Variants in SH3PXD2B observed in about 807,000 individuals in gnomAD.
The protein encoded by SH3PXD2B is SH3 and PX domain-containing protein 2B.
Under a neutral mutation model 73.1 loss-of-function variants are expected in SH3PXD2B, and 37 were observed. The ratio of observed to expected loss-of-function variants is 0.51; its 90% CI spans 0.39 to 0.67. The LOEUF (loss-of-function observed/expected upper bound fraction) is 0.67, where lower values mean the gene tolerates loss of function less well. SH3PXD2B is among the 30% of genes least tolerant of loss of function. SH3PXD2B has a pLI of 0.00. For missense variants in SH3PXD2B, 1,053 were observed against 1,197.8 expected (o/e 0.88, Z 1.78); for synonymous variants, 457 against 480.5 (o/e 0.95, Z 0.64).
At chr5:172,381,904 GA>G in intron 5 of SH3PXD2B, 131 bp downstream of exon 5, 1 of 655,098 alleles carries the variant, frequency 1.5e-6, no homozygotes. Context: ...AAGGCTAAGT[GA>G]AGTGCGGTCT....
chr5:172,342,123 C>T (rs79729353), intron 12 of SH3PXD2B, among the ~76,000 whole-genome samples: 2,386 of 152,262 alleles, frequency 0.016, 55 homozygotes, highest in African/African-American at 0.055. Flanking sequence ...AGAGAGGACA[C>T]AGGAGAAACC....
chr5:172,332,881 G>C (rs1238877177), downstream of SH3PXD2B, among the ~76,000 whole-genome samples: 1 of 151,638 alleles, frequency 6.6e-6, no homozygotes, highest in Non-Finnish European at 1.5e-5. Context: ...GGCTTGGGCA[G>C]TCTCTGCGGC....
intron 1 of SH3PXD2B, among the ~76,000 whole-genome samples, chr5:172,453,097 A>T (rs1320923888): frequency 6.6e-6 from 1 of 151,964 alleles, no homozygotes; most frequent in African/African-American, 2.4e-5. Context: ...AGGCATGCAG[A>T]TCTACTTTGT....
chr5:172,342,677 C>T (rs1280043048), intron 12 of SH3PXD2B, among the ~76,000 whole-genome samples: 1 of 152,116 alleles, frequency 6.6e-6, no homozygotes, highest in Non-Finnish European at 1.5e-5. Flanking sequence ...AGGAGAAACG[C>T]TTGAACCTGG....
At chr5:172,422,616 C>A in intron 1 of SH3PXD2B, 120 bp from the exon 2 acceptor site, 1 of 888,012 alleles carries the variant, frequency 1.1e-6, no homozygotes, top group South Asian at 1.4e-5. Context: ...TTAGCTCTGC[C>A]AATGACTGGC....
intron 9 of SH3PXD2B, among the ~76,000 whole-genome samples, chr5:172,350,907 CT>C (rs1183307740): frequency 6.6e-6 from 1 of 152,344 alleles, no homozygotes; most frequent in East Asian, 1.9e-4. Flanking sequence ...AGCCCCAGCT[CT>C]GGGGCCAAAG....
At chr5:172,380,890 A>G (rs1241391756) in intron 5 of SH3PXD2B, among the ~76,000 whole-genome samples, 2 of 152,132 alleles carry the variant, frequency 1.3e-5, no homozygotes, top group African/African-American at 4.8e-5. Flanking sequence ...ACTTAGGTCT[A>G]CTCATCTGTG....
chr5:172,443,778 G>A (rs190174351), intron 1 of SH3PXD2B, among the ~76,000 whole-genome samples: 6 of 152,248 alleles, frequency 3.9e-5, no homozygotes, highest in East Asian at 1.9e-4. Context: ...CCAGCACAGC[G>A]GGCGGGGGGC....
At chr5:172,378,266 T>C (rs1223524335) in intron 5 of SH3PXD2B, among the ~76,000 whole-genome samples, 3 of 152,204 alleles carry the variant, frequency 2.0e-5, no homozygotes, top group African/African-American at 7.2e-5. Context: ...CTGGGGCCAC[T>C]GCAACCACCC....
intron 2 of SH3PXD2B, among the ~76,000 whole-genome samples, chr5:172,416,866 A>G (rs997813316): frequency 1.3e-5 from 2 of 151,382 alleles, no homozygotes; most frequent in African/African-American, 4.9e-5. Flanking sequence ...GCACCGTCAC[A>G]CCTGGCTAAT....
intron 1 of SH3PXD2B, among the ~76,000 whole-genome samples, chr5:172,439,673 T>TGC (rs937202194): frequency 4.8e-5 from 5 of 103,350 alleles, no homozygotes; most frequent in South Asian, 3.3e-4. Context: ...TGTGTGTGCG[T>TGC]GCGTGCGCGC....
chr5:172,365,121 T>A (rs1025157301), intron 6 of SH3PXD2B, among the ~76,000 whole-genome samples: 2 of 152,354 alleles, frequency 1.3e-5, no homozygotes, highest in South Asian at 4.1e-4. Context: ...ACAACCCTGC[T>A]GCTTGCACTC....
chr5:172,379,843 C>T (rs938745287), intron 5 of SH3PXD2B, among the ~76,000 whole-genome samples: 2 of 152,146 alleles, frequency 1.3e-5, no homozygotes, highest in African/African-American at 4.8e-5. Flanking sequence ...AGGCAGGATT[C>T]GAACCTGGGT....
intron 5 of SH3PXD2B, among the ~76,000 whole-genome samples, chr5:172,378,933 G>T (rs1285164888): frequency 1.3e-5 from 2 of 152,104 alleles, no homozygotes; most frequent in Non-Finnish European, 1.5e-5. Context: ...AGCCGGGCAT[G>T]GTGGCGGGCG....
chr5:172,414,660 T>C (rs1758780126), intron 2 of SH3PXD2B, among the ~76,000 whole-genome samples: 1 of 152,118 alleles, frequency 6.6e-6, no homozygotes, highest in Admixed American at 6.5e-5. Flanking sequence ...AGCAACGCTC[T>C]GGCACAGCGT....
intron 5 of SH3PXD2B, among the ~76,000 whole-genome samples, chr5:172,379,313 T>TAAAAAAAAAAA (rs11346663): frequency 1.8e-5 from 2 of 112,862 alleles, no homozygotes; most frequent in African/African-American, 3.1e-5. Flanking sequence ...TACAAAAAAT[T>TAAAAAAAAAAA]AAAAAAAAAA....
intron 3 of SH3PXD2B, among the ~76,000 whole-genome samples, chr5:172,396,366 A>G (rs1199558199): frequency 6.6e-6 from 1 of 151,078 alleles, no homozygotes; most frequent in Non-Finnish European, 1.5e-5. Context: ...AGAATAAGTG[A>G]GACTCCGTCT....
intron 7 of SH3PXD2B, among the ~76,000 whole-genome samples, 166 bp downstream of exon 7, chr5:172,362,569 C>A (rs1271167994): frequency 2.0e-5 from 3 of 152,134 alleles, no homozygotes; most frequent in African/African-American, 7.2e-5. Context: ...GTGGGATATT[C>A]AAGCACAGTG....
At position 172,450,552 on chromosome 5, in the gene SH3PXD2B, G is replaced by A. The variant is rs368631417; in HGVS notation, c.75+3726C>T. On this transcript the variant is annotated intron_variant, in intron 1 of 12. Coordinates refer to ENST00000311601, the MANE Select transcript of SH3PXD2B (RefSeq NM_001017995.3). ...GACCCAGTGCCCCGCTCAGGTTACC[G>A]AGGACACTTTGACCACTGTTATTCT... 9.9e-5 allele frequency among the ~76,000 whole-genome samples: 15 copies of A among 152,034 alleles called. No individual in the cohort carries two copies. The South Asian group carries it at 1.3e-3, about 13-fold the overall frequency.
Sources: gnomAD v4.1 joint callset for allele counts (sites outside exome capture counted in the v4.1 genomes callset) on GRCh38, gnomAD v4.1.1 for gene constraint, MANE v1.5 for transcripts, NCBI Gene and HGNC (gene_info 2026-07-23, HGNC 2026-07-21) for gene names.